The following ELP2 variants were observed in gnomAD, a reference collection of about 807,000 sequenced individuals.
The protein encoded by ELP2 is elongator acetyltransferase complex subunit 2.
ELP2 carries 90 observed loss-of-function variants against 119.2 expected under a neutral mutation model. The observed-to-expected ratio is 0.75, with a 90% CI of 0.64 to 0.90. The LOEUF (loss-of-function observed/expected upper bound fraction) is 0.90, where lower values mean the gene tolerates loss of function less well. Ranked by LOEUF, ELP2 falls within the 40% of genes least tolerant of loss-of-function variation. The probability of loss-of-function intolerance (pLI) is 0.00; values close to 1 mark genes in which losing one functional copy is unlikely to be tolerated. For missense variants in ELP2, 921 were observed against 967.8 expected, an observed-to-expected ratio of 0.95 and a Z score of 0.64; for synonymous variants, 339 against 331.0, an observed-to-expected ratio of 1.02 and a Z score of -0.26.
At chr18:36,136,996 A>G (rs2089849180) in intron 3 of ELP2, among the ~76,000 whole-genome samples, 2 of 140,010 alleles carry the variant, frequency 1.4e-5, no homozygotes, top group South Asian at 5.0e-4. Flanking sequence ...TAGTTTTTTC[A>G]GGGGGTAATG....
chr18:36,143,087 ATTTCTTTTTTC>A (rs2090087622), intron 8 of ELP2, 121 bp downstream of exon 8: 1 of 720,106 alleles, frequency 1.4e-6, no homozygotes, highest in African/African-American at 1.9e-5. Flanking sequence ...CCTACCTGAA[ATTTCTTTTTTC>A]TTTCTTTTTT....
chr18:36,167,278 T>C (rs2090937229), intron 19 of ELP2, 56 bp downstream of exon 19: 21 of 1,333,612 alleles, frequency 1.6e-5, no homozygotes, highest in Non-Finnish European at 2.2e-5. Context: ...TTTTTATAGG[T>C]ATGTTTGAAT....
chr18:36,171,252 AC>A lies in ELP2; in HGVS notation c.2324+93del, dbSNP rs375372107. 219 of 825,252 alleles carry A rather than the reference AC, an allele frequency of 2.7e-4. 1 individual carries two copies. In the African/African-American group the frequency reaches 3.1e-3, roughly 12 times the overall value. 51.1% of individuals were successfully genotyped at this position (825,252 alleles called of 1,614,324 possible). A position where few individuals can be genotyped will look rare whatever the true frequency, so the allele number is the denominator to read the frequency against. ...TTATGCCACATTTTCATGGAGAGGG[AC>A]ATATATCTGTATTCGTCGTGTCTAC... On this transcript the variant is annotated intron_variant, in intron 21 of 21. Coordinates refer to ENST00000358232, the MANE Select transcript of ELP2 (RefSeq NM_018255.4).
At chr18:36,160,892 T>C in intron 16 of ELP2, 40 bp from the exon 17 acceptor site, 1 of 1,353,190 alleles carries the variant, frequency 7.4e-7, no homozygotes, top group African/African-American at 1.4e-5. Flanking sequence ...TGAGAATAGA[T>C]TCATTTGCTA....
At chr18:36,151,028 CT>C (rs1347665507) in intron 11 of ELP2, among the ~76,000 whole-genome samples, 16 of 151,850 alleles carry the variant, frequency 1.1e-4, no homozygotes, top group Admixed American at 2.6e-4. Flanking sequence ...GTTTCCCCCC[CT>C]ATTGCCCCAC....
rs150899046 is a variant in ELP2, at chr18:36,147,185, C to T, written c.1125+804C>T. Among the ~76,000 whole-genome samples, 899 of 149,746 alleles carry T rather than the reference C, an allele frequency of 6.0e-3. 9 individuals carry two copies. The highest frequency in any genetic ancestry group is 0.021 in the African/African-American group (845 of 40,702). Reference sequence around the variant, plus strand: ...TTCTCCTGGGGTTAAGCCATCCTCACGCTTCAACTTCCTGAGTAGCTGGGA... The same window carrying T: ...TTCTCCTGGGGTTAAGCCATCCTCATGCTTCAACTTCCTGAGTAGCTGGGA... On this transcript the variant is annotated intron_variant, in intron 11 of 21. Coordinates refer to ENST00000358232, the MANE Select transcript of ELP2 (RefSeq NM_018255.4).
chr18:36,134,507 A>G (rs1163736787), intron 2 of ELP2, among the ~76,000 whole-genome samples: 1 of 152,220 alleles, frequency 6.6e-6, no homozygotes, highest in Non-Finnish European at 1.5e-5. Flanking sequence ...TCAAAATGTT[A>G]TATATGTTCA....
intron 9 of ELP2, 40 bp from the exon 10 acceptor site, chr18:36,145,908 G>A (rs2090182887): frequency 6.6e-7 from 1 of 1,511,052 alleles, no homozygotes; most frequent in Non-Finnish European, 9.2e-7. Flanking sequence ...CAAACATGAT[G>A]ATTGTTGATC....
At chr18:36,157,293 T>G (rs762088422) in intron 13 of ELP2, among the ~76,000 whole-genome samples, 9 of 152,150 alleles carry the variant, frequency 5.9e-5, no homozygotes, top group Non-Finnish European at 1.3e-4. Context: ...TACACAGAAG[T>G]GCATATTATA....
chr18:36,148,349 G>A (rs2090281126), intron 11 of ELP2, among the ~76,000 whole-genome samples: 1 of 152,104 alleles, frequency 6.6e-6, no homozygotes, highest in South Asian at 2.1e-4. Flanking sequence ...TGAGATTACA[G>A]GTGTGACCCA....
intron 11 of ELP2, among the ~76,000 whole-genome samples, chr18:36,152,458 C>G (rs1257215073): frequency 6.6e-6 from 1 of 152,162 alleles, no homozygotes; most frequent in African/African-American, 2.4e-5. Flanking sequence ...GTAGAAGGAA[C>G]CCCCTTAACC....
At chr18:36,153,797 C>A (rs768551830) in intron 11 of ELP2, among the ~76,000 whole-genome samples, 1 of 151,188 alleles carries the variant, frequency 6.6e-6, no homozygotes, top group Non-Finnish European at 1.5e-5. Flanking sequence ...TTTTATAGAG[C>A]AGTTTTAGGT....
chr18:36,162,112 A>T (rs2090760221), intron 17 of ELP2, among the ~76,000 whole-genome samples: 1 of 152,150 alleles, frequency 6.6e-6, no homozygotes, highest in South Asian at 2.1e-4. Context: ...AAGTTTTGAC[A>T]TGTTTATCCC....
At chr18:36,133,117 CTGTT>C in intron 1 of ELP2, 117 bp from the exon 2 acceptor site, 3 of 723,108 alleles carry the variant, frequency 4.1e-6, no homozygotes, top group South Asian at 1.5e-5. Context: ...GAAGGCAAAT[CTGTT>C]TGATGTAAAC....
chr18:36,149,087 T>A (rs2090304357), intron 11 of ELP2, among the ~76,000 whole-genome samples: 1 of 152,236 alleles, frequency 6.6e-6, no homozygotes, highest in African/African-American at 2.4e-5. Flanking sequence ...CTCTTGCTCT[T>A]GAGACTCTTA....
Position 36,142,965 on chromosome 18 carries a change from AAGTG to A in ELP2, c.796+3_796+6del. 6.3e-7 allele frequency: 1 copy of A among 1,582,986 alleles called. No individual in the cohort carries two copies. Among genetic ancestry groups the A allele is most frequent in the South Asian group, 1.1e-5 (1 of 88,084 alleles). On this transcript the variant is annotated splice_donor_variant and splice_donor_region_variant and coding_sequence_variant and intron_variant, in exon 8 of 22. Coordinates refer to ENST00000358232, the MANE Select transcript of ELP2 (RefSeq NM_018255.4). LOFTEE classifies it high-confidence loss of function. Reference sequence around the variant, plus strand: ...AAAATACTTTTACCATAGAAAATGAAAGTGAGTAATAATGAAAATATCCAATATA... The same window carrying A: ...AAAATACTTTTACCATAGAAAATGAAAGTAATAATGAAAATATCCAATATA...
intron 3 of ELP2, chr18:36,136,631 CTTTTA>C (rs754345867): frequency 2.1e-4 from 88 of 426,094 alleles, no homozygotes; most frequent in Admixed American, 1.0e-3. Flanking sequence ...TTTATATATA[CTTTTA>C]TTTTAAGTTT....
intron 19 of ELP2, among the ~76,000 whole-genome samples, chr18:36,169,751 A>G (rs1010991276): frequency 3.9e-5 from 6 of 151,924 alleles, no homozygotes; most frequent in African/African-American, 1.5e-4. Context: ...GAGCCTACTG[A>G]TGGGACTCCA....
chr18:36,140,034 A>G (rs1288324590), intron 5 of ELP2, among the ~76,000 whole-genome samples: 1 of 151,924 alleles, frequency 6.6e-6, no homozygotes, highest in East Asian at 1.9e-4. Context: ...TGTAGAGACA[A>G]GGTCTGTTTA....
Sources: allele counts gnomAD v4.1 joint callset (sites outside exome capture counted in the v4.1 genomes callset), GRCh38; gene constraint gnomAD v4.1.1; transcripts MANE v1.5; gene names NCBI Gene and HGNC (gene_info 2026-07-23, HGNC 2026-07-21).